The following RASSF3 variants were observed in gnomAD, a reference collection of about 807,000 sequenced individuals.
The protein encoded by RASSF3 is Ras association domain family member 3.
Under a neutral mutation model 19.9 loss-of-function variants are expected in RASSF3, and 19 were observed. That is an observed-to-expected ratio of 0.96 (90% CI 0.67 to 1.40). The LOEUF is 1.40. Ranked by LOEUF, RASSF3 falls within the 40% of genes most tolerant of loss-of-function variation. RASSF3 has a pLI of 0.00. For synonymous variants in RASSF3, 110 were observed against 104.2 expected (o/e 1.06, Z -0.34); for missense variants, 306 against 289.8 (o/e 1.06, Z -0.41).
At chr12:64,666,266 C>G (rs1228825095) in intron 1 of RASSF3, among the ~76,000 whole-genome samples, 1 of 152,146 alleles carries the variant, frequency 6.6e-6, no homozygotes. Context: ...CTATGGAATG[C>G]TGATTGTTTA....
intron 2 of RASSF3, among the ~76,000 whole-genome samples, chr12:64,567,882 C>CG (rs1869456001): frequency 6.6e-6 from 1 of 152,336 alleles, no homozygotes; most frequent in South Asian, 2.1e-4. Flanking sequence ...GCCTTTCCAT[C>CG]GGGCAGGGTG....
intron 1 of RASSF3, among the ~76,000 whole-genome samples, chr12:64,684,435 GT>G (rs56163162): frequency 8.4e-5 from 11 of 131,202 alleles, no homozygotes; most frequent in East Asian, 4.5e-4. Flanking sequence ...TTGTTTGTTT[GT>G]TTTTTTTTTT....
chr12:64,613,034 G>A (rs1592419343), intron 1 of RASSF3, among the ~76,000 whole-genome samples: 1 of 152,184 alleles, frequency 6.6e-6, no homozygotes, highest in South Asian at 2.1e-4. Context: ...TATTTGCCAG[G>A]CAGAGAAAGT....
intron 3 of RASSF3, among the ~76,000 whole-genome samples, chr12:64,690,343 A>T (rs1868263084): frequency 6.6e-6 from 1 of 151,458 alleles, no homozygotes. Context: ...CACCATGCCC[A>T]GCTAACTTTT....
chr12:64,571,539 A>G (rs1869519687), intron 2 of RASSF3, among the ~76,000 whole-genome samples: 1 of 152,174 alleles, frequency 6.6e-6, no homozygotes, highest in Non-Finnish European at 1.5e-5. Context: ...AGCACACATA[A>G]GCTTCCTGAT....
chr12:64,537,495 TCA>T (rs1441094918), intron 1 of RASSF3, among the ~76,000 whole-genome samples: 2 of 152,196 alleles, frequency 1.3e-5, no homozygotes, highest in Non-Finnish European at 2.9e-5. Context: ...CAGACTGCTC[TCA>T]GTCACACCCT....
intron 1 of RASSF3, among the ~76,000 whole-genome samples, chr12:64,541,265 C>T (rs914071349): frequency 6.6e-6 from 1 of 151,328 alleles, no homozygotes; most frequent in Non-Finnish European, 1.5e-5. Context: ...GGATTACAGG[C>T]ATGAGCCACA....
intron 2 of RASSF3, among the ~76,000 whole-genome samples, chr12:64,567,171 A>G (rs1250388472): frequency 6.6e-6 from 1 of 152,214 alleles, no homozygotes; most frequent in Non-Finnish European, 1.5e-5. Context: ...GACCACACCA[A>G]TGCCCCGTGG....
intron 1 of RASSF3, among the ~76,000 whole-genome samples, chr12:64,514,481 G>C (rs565683453): frequency 6.6e-6 from 1 of 152,034 alleles, no homozygotes; most frequent in Non-Finnish European, 1.5e-5. Context: ...CACCGTGCCC[G>C]GCCAGAATTT....
intron 1 of RASSF3, chr12:64,622,558 A>G (rs1014647399): frequency 1.9e-6 from 1 of 513,808 alleles, no homozygotes; most frequent in African/African-American, 2.0e-5. Flanking sequence ...TTTTGCCATT[A>G]CTTTCAGTAG....
At chr12:64,667,011 C>T (rs73321777) in intron 1 of RASSF3, among the ~76,000 whole-genome samples, 1,779 of 151,796 alleles carry the variant, frequency 0.012, 37 homozygotes, top group African/African-American at 0.041. Flanking sequence ...GAGTGTTGAC[C>T]GGTGCAGGGT....
intron 2 of RASSF3, among the ~76,000 whole-genome samples, chr12:64,597,650 G>A (rs1870018193): frequency 6.6e-6 from 1 of 151,610 alleles, no homozygotes; most frequent in African/African-American, 2.4e-5. Flanking sequence ...TAGAGATGGG[G>A]TTTCACCATG....
downstream of RASSF3, among the ~76,000 whole-genome samples, chr12:64,544,295 C>T (rs1029290854): frequency 2.6e-5 from 4 of 152,006 alleles, no homozygotes; most frequent in African/African-American, 7.2e-5. Flanking sequence ...ACACTCACTT[C>T]GAAGGTCTGC....
At chr12:64,605,619 G>A (rs1487776731), upstream of RASSF3, among the ~76,000 whole-genome samples, 1 of 152,088 alleles carries the variant, frequency 6.6e-6, no homozygotes, top group East Asian at 1.9e-4. Flanking sequence ...GCCGGGCGTG[G>A]TGGCTCACGC....
At chr12:64,542,069 T>A (rs1868942974), downstream of RASSF3, among the ~76,000 whole-genome samples, 1 of 152,014 alleles carries the variant, frequency 6.6e-6, no homozygotes. Context: ...ACTTTTTTTT[T>A]AATCCGATGA....
chr12:64,628,495 T>G (rs1871065314), intron 1 of RASSF3: 1 of 152,218 alleles, frequency 6.6e-6, no homozygotes, highest in Non-Finnish European at 1.5e-5. Context: ...CTTTGGAAGA[T>G]TAATTTTTTC....
chr12:64,686,922 T>A (rs7138473), intron 2 of RASSF3, among the ~76,000 whole-genome samples: 2,517 of 152,376 alleles, frequency 0.017, 74 homozygotes, highest in African/African-American at 0.056. Flanking sequence ...TGTTCTACTT[T>A]AACTGTGGCA....
Position 64,667,172 on chromosome 12 carries a change from G to A in RASSF3, c.112-17615G>A, listed in dbSNP as rs191997119. Among the ~76,000 whole-genome samples the A allele has an allele frequency of 2.6e-5, 4 of 152,116 alleles. No individual in the cohort carries two copies. The East Asian group carries it at 7.7e-4, about 29-fold the overall frequency. ...TTGGGAATTTCTAAGGTGTGTTTTT[G>A]TTTTTAAAACAATATCTGTACTTTC... On this transcript the variant is annotated intron_variant, in intron 1 of 4. Coordinates refer to ENST00000542104, the MANE Select transcript of RASSF3 (RefSeq NM_178169.4).
chr12:64,637,955 C>T (rs1214167555), intron 1 of RASSF3, among the ~76,000 whole-genome samples: 1 of 151,724 alleles, frequency 6.6e-6, no homozygotes, highest in African/African-American at 2.4e-5. Flanking sequence ...CCTCAGCCTC[C>T]GGAGTAGCTG....
Sources: gnomAD v4.1 joint callset for allele counts (sites outside exome capture counted in the v4.1 genomes callset) on GRCh38, gnomAD v4.1.1 for gene constraint, MANE v1.5 for transcripts, NCBI Gene and HGNC (gene_info 2026-07-23, HGNC 2026-07-21) for gene names.